CCSER1: variants seen among roughly 807,000 people sequenced by gnomAD.
CCSER1 encodes serine-rich coiled-coil domain-containing protein 1.
A neutral mutation model predicts 82.0 loss-of-function variants in CCSER1; 41 were observed. That is an observed-to-expected ratio of 0.50 (90% CI 0.39 to 0.65). The LOEUF is 0.65. Ranked by LOEUF, CCSER1 falls within the 30% of genes least tolerant of loss-of-function variation. The pLI, the probability that CCSER1 is intolerant of heterozygous loss-of-function variation, is 0.00. For synonymous variants in CCSER1, 414 were observed against 383.9 expected (o/e 1.08, Z -0.92); for missense variants, 1,119 against 1,064.2 (o/e 1.05, Z -0.72).
chr4:90,557,530 T>C lies in CCSER1; in HGVS notation c.1725-70495T>C, dbSNP rs142085456. On this transcript the variant is annotated intron_variant, in intron 5 of 10. Transcript: ENST00000509176. ...TAGTACTAACTAGCAAAAGGCTGTTTTCAATCTTTTTAAATAAATATCTAT... is the reference window on the plus strand; with the variant it reads ...TAGTACTAACTAGCAAAAGGCTGTTCTCAATCTTTTTAAATAAATATCTAT... Among the ~76,000 whole-genome samples the C allele has an allele frequency of 5.0e-3, 766 of 152,222 alleles. 5 individuals are homozygous for C. The highest frequency in any genetic ancestry group is 8.6e-3 in the Non-Finnish European group (583 of 67,954).
intron 10 of CCSER1, among the ~76,000 whole-genome samples, chr4:91,113,945 T>C (rs1385540841): frequency 1.3e-5 from 2 of 151,912 alleles, no homozygotes; most frequent in Non-Finnish European, 2.9e-5. Context: ...CTCCGCCTCC[T>C]GAGTTCACGC....
chr4:90,661,325 C>T (rs1730735633), intron 6 of CCSER1, among the ~76,000 whole-genome samples: 1 of 152,050 alleles, frequency 6.6e-6, no homozygotes, highest in Non-Finnish European at 1.5e-5. Flanking sequence ...TCATAAGAAC[C>T]CCAGTTTGAA....
intron 7 of CCSER1, among the ~76,000 whole-genome samples, chr4:90,747,742 G>A (rs1231351105): frequency 4.6e-5 from 7 of 150,898 alleles, no homozygotes; most frequent in South Asian, 2.1e-4. Context: ...ATGCTGGTGC[G>A]CTGCACCCAG....
chr4:90,456,743 C>T (rs998234020), intron 4 of CCSER1, among the ~76,000 whole-genome samples: 1 of 152,190 alleles, frequency 6.6e-6, no homozygotes, highest in Non-Finnish European at 1.5e-5. Flanking sequence ...TGGCATTTTT[C>T]TTTCAGTTTG....
rs374832709 is a variant in CCSER1, at chr4:90,888,215, C to A, written c.2095-35155C>A. Among the ~76,000 whole-genome samples the A allele has an allele frequency of 5.3e-5, 8 of 151,952 alleles. No individual in the cohort carries two copies. The East Asian group carries it at 7.7e-4, about 15-fold the overall frequency. On this transcript the variant is annotated intron_variant, in intron 8 of 10. Coordinates refer to ENST00000509176, the MANE Select transcript of CCSER1 (RefSeq NM_001145065.2). ...AATACTTCTTCATTACAGTTGAATT[C>A]AAAAAAATCAGCTCTAATGCCAGTG...
Position 91,096,345 on chromosome 4 carries a change from G to T in CCSER1, c.2217+10351G>T, listed in dbSNP as rs1427617666. Reference sequence around the variant, plus strand: ...TGGGGCACTGTTGGTGCCATCTCCTGCCATGAGTCTTCAGGCTCTGAATCA... The same window carrying T: ...TGGGGCACTGTTGGTGCCATCTCCTTCCATGAGTCTTCAGGCTCTGAATCA... On this transcript the variant is annotated intron_variant, in intron 10 of 10. Transcript: ENST00000509176. 2.6e-5 allele frequency among the ~76,000 whole-genome samples: 4 copies of T among 152,134 alleles called. No homozygotes were observed. The East Asian group carries it at 7.7e-4, about 29-fold the overall frequency.
intron 6 of CCSER1, among the ~76,000 whole-genome samples, chr4:90,700,454 TG>T (rs1353388121): frequency 1.3e-5 from 2 of 151,964 alleles, no homozygotes; most frequent in Non-Finnish European, 2.9e-5. Flanking sequence ...AACATACGTG[TG>T]CATGTGTCTT....
chr4:90,844,404 A>G (rs1328415503), intron 8 of CCSER1, among the ~76,000 whole-genome samples: 1 of 152,166 alleles, frequency 6.6e-6, no homozygotes, highest in Non-Finnish European at 1.5e-5. Context: ...AAGAATGAAG[A>G]CATTCCTCAT....
At chr4:91,551,787 G>A (rs899640998) in intron 10 of CCSER1, among the ~76,000 whole-genome samples, 1 of 150,718 alleles carries the variant, frequency 6.6e-6, no homozygotes, top group Non-Finnish European at 1.5e-5. Context: ...TATTTCCAAA[G>A]AAGAGATCAT....
intron 10 of CCSER1, among the ~76,000 whole-genome samples, chr4:91,517,745 CGTGTGTGTGTGTGTGT>C (rs71579530): frequency 3.3e-5 from 4 of 121,086 alleles, no homozygotes; most frequent in East Asian, 2.6e-4. Flanking sequence ...AGTTCTTTCT[CGTGTGTGTGTGTGTGT>C]GTGTGTGTGT....
intron 9 of CCSER1, among the ~76,000 whole-genome samples, chr4:91,035,470 C>T (rs1159951473): frequency 6.6e-6 from 1 of 152,114 alleles, no homozygotes; most frequent in Non-Finnish European, 1.5e-5. Context: ...AACTGAAGGG[C>T]ACTGTGCCAA....
rs189665366 is a variant in CCSER1 at position 91,303,203 on chromosome 4, C to T, written c.2217+217209C>T. ...CAAGATACAAGTGATTTATTAGGGA[C>T]TTTCAAAATGCCTACCTGAAAGCAG... On this transcript the variant is annotated intron_variant, in intron 10 of 10. Coordinates refer to ENST00000509176, the MANE Select transcript of CCSER1 (RefSeq NM_001145065.2). Among the ~76,000 whole-genome samples, 9 of 152,110 alleles carry T rather than the reference C, an allele frequency of 5.9e-5. No homozygotes were observed. The East Asian group carries it at 1.4e-3, about 23-fold the overall frequency.
intron 10 of CCSER1, among the ~76,000 whole-genome samples, chr4:91,166,523 C>G (rs1186761572): frequency 6.6e-6 from 1 of 152,154 alleles, no homozygotes; most frequent in Non-Finnish European, 1.5e-5. Flanking sequence ...TAAGCATCTA[C>G]TTTTTAAAAT....
rs141434566 is a variant in CCSER1 at position 91,454,297 on chromosome 4, T to C, written c.2218-144275T>C. Among the ~76,000 whole-genome samples the C allele has an allele frequency of 6.3e-4, 96 of 152,160 alleles. 1 individual carries two copies. The highest frequency in any genetic ancestry group is 2.1e-3 in the African/African-American group (88 of 41,540). On this transcript the variant is annotated intron_variant, in intron 10 of 10. Coordinates refer to ENST00000509176, the MANE Select transcript of CCSER1 (RefSeq NM_001145065.2). The stretch of plus-strand genomic sequence containing the variant: ...GCTCTGAGGAGAGAATCAGTTCCCT[T>C]GGCTTCTCCAGCTCCTAGATCTGCA...
intron 10 of CCSER1, among the ~76,000 whole-genome samples, chr4:91,086,964 A>G (rs901447569): frequency 6.6e-6 from 1 of 152,146 alleles, no homozygotes; most frequent in Admixed American, 6.5e-5. Context: ...GAAGTGAAAC[A>G]TAGATAAATC....
chr4:91,250,029 T>C (rs986971752), intron 10 of CCSER1, among the ~76,000 whole-genome samples: 15 of 152,162 alleles, frequency 9.9e-5, no homozygotes, highest in Admixed American at 7.2e-4. Context: ...ATTTCCATGA[T>C]TTCATGACAT....
At chr4:90,187,922 C>CA (rs928937954) in intron 1 of CCSER1, among the ~76,000 whole-genome samples, 1 of 151,818 alleles carries the variant, frequency 6.6e-6, no homozygotes, top group African/African-American at 2.4e-5. Context: ...TCATCAACAA[C>CA]AAAAAAACAG....
intron 10 of CCSER1, among the ~76,000 whole-genome samples, chr4:91,400,136 T>C (rs754342777): frequency 9.2e-5 from 14 of 152,018 alleles, no homozygotes; most frequent in Admixed American, 2.0e-4. Context: ...CTATCACTTA[T>C]TGCCTATGCA....
At chr4:90,192,236 G>A (rs1454023624) in intron 1 of CCSER1, among the ~76,000 whole-genome samples, 1 of 151,914 alleles carries the variant, frequency 6.6e-6, no homozygotes, top group East Asian at 1.9e-4. Context: ...CCTTACAGTA[G>A]CCATCAGATC....
Sources: allele counts gnomAD v4.1 joint callset (sites outside exome capture counted in the v4.1 genomes callset), GRCh38; gene constraint gnomAD v4.1.1; transcripts MANE v1.5; gene names NCBI Gene and HGNC (gene_info 2026-07-23, HGNC 2026-07-21).